Variants in FNBP1L observed in about 807,000 individuals in gnomAD.
FNBP1L encodes the protein formin-binding protein 1-like.
A neutral mutation model predicts 91.2 loss-of-function variants in FNBP1L; 36 were observed. That is an observed-to-expected ratio of 0.39 (90% CI 0.30 to 0.52). The LOEUF (loss-of-function observed/expected upper bound fraction) is 0.52, where lower values mean the gene tolerates loss of function less well. FNBP1L is among the 20% of genes least tolerant of loss of function. FNBP1L has a pLI of 0.66. For missense variants in FNBP1L, 571 were observed against 732.1 expected, an observed-to-expected ratio of 0.78 and a Z score of 2.54; for synonymous variants, 242 against 237.0, an observed-to-expected ratio of 1.02 and a Z score of -0.19.
At chr1:93,469,312 A>G (rs928413591) in intron 1 of FNBP1L, among the ~76,000 whole-genome samples, 4 of 132,322 alleles carry the variant, frequency 3.0e-5, no homozygotes, top group Non-Finnish European at 4.6e-5. Flanking sequence ...TTCAACTCCT[A>G]CTTATGAGTG....
intron 2 of FNBP1L, 79 bp from the exon 3 acceptor site, chr1:93,522,003 G>A (rs1163712424): frequency 3.6e-6 from 3 of 832,628 alleles, no homozygotes; most frequent in Non-Finnish European, 5.3e-6. Flanking sequence ...ATGATTGAAT[G>A]AAATTGAAAA....
intron 16 of FNBP1L, chr1:93,552,060 G>A (rs1557825219): frequency 1.9e-6 from 2 of 1,049,518 alleles, no homozygotes; most frequent in African/African-American, 1.7e-5. Context: ...GAAGATATGT[G>A]TACCGCCTTT....
intron 2 of FNBP1L, among the ~76,000 whole-genome samples, chr1:93,509,884 G>A (rs1373145997): frequency 2.0e-5 from 3 of 152,218 alleles, no homozygotes; most frequent in Admixed American, 6.5e-5. Flanking sequence ...ACTCCTACCC[G>A]AATACTGCGC....
At position 93,465,084 on chromosome 1, in the gene FNBP1L, T is replaced by G. The variant is rs138460095; in HGVS notation, c.24+16779T>G. Among the ~76,000 whole-genome samples the G allele has an allele frequency of 8.5e-3, 1,292 of 152,126 alleles. 11 individuals carry two copies. Among genetic ancestry groups the G allele is most frequent in the Non-Finnish European group, 0.012 (795 of 67,982 alleles). On this transcript the variant is annotated intron_variant, in intron 1 of 16. Coordinates refer to ENST00000271234, the MANE Select transcript of FNBP1L (RefSeq NM_001164473.3). ...CCTCTCAAACTAAGGCTGAGAGAAT[T>G]ATGCATATCATGGTTTCATTTTGTG...
intron 1 of FNBP1L, among the ~76,000 whole-genome samples, chr1:93,470,720 A>G (rs1570773766): frequency 6.6e-6 from 1 of 152,060 alleles, no homozygotes; most frequent in African/African-American, 2.4e-5. Context: ...TAAACATATA[A>G]AAATTGGCCA....
chr1:93,510,304 AC>A (rs1670784355), intron 2 of FNBP1L, among the ~76,000 whole-genome samples: 7 of 152,072 alleles, frequency 4.6e-5, no homozygotes, highest in Admixed American at 3.3e-4. Flanking sequence ...CTGACCCCTG[AC>A]CCCCAAGCAG....
At chr1:93,527,981 GA>G (rs1304815675) in intron 5 of FNBP1L, among the ~76,000 whole-genome samples, 1 of 150,200 alleles carries the variant, frequency 6.7e-6, no homozygotes. Context: ...TATGATAGTA[GA>G]AAAAAAAGCC....
At chr1:93,477,196 A>G (rs1669525876) in intron 1 of FNBP1L, among the ~76,000 whole-genome samples, 1 of 152,250 alleles carries the variant, frequency 6.6e-6, no homozygotes, top group Non-Finnish European at 1.5e-5. Context: ...TATTAAACAA[A>G]TGGTAATTGT....
intron 6 of FNBP1L, among the ~76,000 whole-genome samples, chr1:93,530,549 T>C (rs1345499577): frequency 2.0e-5 from 3 of 152,100 alleles, no homozygotes; most frequent in Non-Finnish European, 4.4e-5. Flanking sequence ...AGGAGACCAC[T>C]CTGACAGTAA....
chr1:93,533,695 C>T (rs138483273), intron 8 of FNBP1L, among the ~76,000 whole-genome samples: 1 of 152,310 alleles, frequency 6.6e-6, no homozygotes, highest in East Asian at 1.9e-4. Context: ...TTTTAGTCTT[C>T]ATGAACCTAT....
In FNBP1L at chr1:93,510,857, G is replaced by A. The variant is rs575113945; in HGVS notation, c.141-11225G>A. 2.0e-4 allele frequency among the ~76,000 whole-genome samples: 30 copies of A among 152,100 alleles called. 1 individual carries two copies. The highest frequency in any genetic ancestry group is 8.4e-4 in the South Asian group (4 of 4,784). On this transcript the variant is annotated intron_variant, in intron 2 of 16. Coordinates refer to ENST00000271234, the MANE Select transcript of FNBP1L (RefSeq NM_001164473.3). ...ATCAACTGGAAGAAAGGGTATCAGC[G>A]ATGGAAGATGAAATGAATGAAACGA... is the stretch of plus-strand genomic sequence containing the variant.
chr1:93,463,483 A>G (rs533177338), intron 1 of FNBP1L, among the ~76,000 whole-genome samples: 14 of 152,328 alleles, frequency 9.2e-5, no homozygotes, highest in African/African-American at 3.1e-4. Flanking sequence ...GTCTGTGTAC[A>G]TATTTATAAA....
chr1:93,501,092 T>C (rs1236600181), intron 2 of FNBP1L, among the ~76,000 whole-genome samples: 1 of 152,164 alleles, frequency 6.6e-6, no homozygotes, highest in Non-Finnish European at 1.5e-5. Flanking sequence ...AAAATTCTAT[T>C]TAAATTTTAA....
chr1:93,489,453 A>G (rs1023552896), intron 1 of FNBP1L, among the ~76,000 whole-genome samples: 1 of 152,082 alleles, frequency 6.6e-6, no homozygotes, highest in Admixed American at 6.6e-5. Flanking sequence ...GAGAAACAAG[A>G]TTGACATTCT....
At chr1:93,516,189 G>A (rs1398842740) in intron 2 of FNBP1L, among the ~76,000 whole-genome samples, 7 of 146,922 alleles carry the variant, frequency 4.8e-5, no homozygotes, top group Non-Finnish European at 9.2e-5. Context: ...CTGTGTCAAG[G>A]GGGAAAAAAA....
At chr1:93,522,567 T>G (rs12404286) in intron 3 of FNBP1L, among the ~76,000 whole-genome samples, 10,307 of 30,430 alleles carry the variant, frequency 0.34, 401 homozygotes, top group Non-Finnish European at 0.49. Flanking sequence ...TAGAAATCAC[T>G]TATGAGTTTT....
rs1399944433 is a variant in FNBP1L, at chr1:93,552,130, T to TAGTTTCAGC, written c.1811-277_1811-269dup. 210 of 1,183,146 alleles carry TAGTTTCAGC rather than the reference T, an allele frequency of 1.8e-4. 2 individuals are homozygous for TAGTTTCAGC. The South Asian group carries it at 2.7e-3, about 15-fold the overall frequency. 73.3% of individuals were successfully genotyped at this position (1,183,146 alleles called of 1,614,324 possible). A position where few individuals can be genotyped will look rare whatever the true frequency, so the allele number is the denominator to read the frequency against. On this transcript the variant is annotated intron_variant, in intron 16 of 16. Transcript: ENST00000271234. ...ATTAGGATAGATAAATTTTTCCAAT[T>TAGTTTCAGC]AGTTTCAGCAAGCGTTGTTGGAAAC...
At chr1:93,507,101 ACACACACT>A (rs879917392) in intron 2 of FNBP1L, among the ~76,000 whole-genome samples, 902 of 55,936 alleles carry the variant, frequency 0.016, 1 homozygote, top group Non-Finnish European at 0.021. Context: ...ACACACACAC[ACACACACT>A]CTCTCTCTCT....
At chr1:93,529,473 G>A (rs1671603573) in intron 5 of FNBP1L, among the ~76,000 whole-genome samples, 179 bp from the exon 6 acceptor site, 1 of 151,882 alleles carries the variant, frequency 6.6e-6, no homozygotes, top group Admixed American at 6.6e-5. Flanking sequence ...TAAGTTCTGG[G>A]ATACATGTGC....
Sources: gnomAD v4.1 joint callset for allele counts (sites outside exome capture counted in the v4.1 genomes callset) on GRCh38, gnomAD v4.1.1 for gene constraint, MANE v1.5 for transcripts, NCBI Gene and HGNC (gene_info 2026-07-23, HGNC 2026-07-21) for gene names.